Variants in NLGN1 observed in about 807,000 individuals in gnomAD.
The protein encoded by NLGN1 is neuroligin 1.
Under a neutral mutation model 65.5 loss-of-function variants are expected in NLGN1, and 12 were observed. The ratio of observed to expected loss-of-function variants is 0.18; its 90% CI spans 0.12 to 0.30. The LOEUF (loss-of-function observed/expected upper bound fraction) is 0.30. Among genes scored for constraint, NLGN1 ranks in the 10% least tolerant of loss-of-function variants. NLGN1 has a pLI of 1.00. For missense variants in NLGN1, 750 were observed against 1,007.1 expected, an observed-to-expected ratio of 0.74 and a Z score of 3.46; for synonymous variants, 350 against 359.5, an observed-to-expected ratio of 0.97 and a Z score of 0.30.
intron 4 of NLGN1, among the ~76,000 whole-genome samples, chr3:174,066,556 C>CTGTG (rs1176839455): frequency 2.6e-4 from 35 of 133,920 alleles, no homozygotes; most frequent in African/African-American, 9.8e-4. Context: ...CTCTCTCTCT[C>CTGTG]TCTCTCTCTG....
chr3:174,184,656 A>T (rs1731067974), intron 4 of NLGN1, among the ~76,000 whole-genome samples: 1 of 152,190 alleles, frequency 6.6e-6, no homozygotes, highest in Non-Finnish European at 1.5e-5. Flanking sequence ...TCTGAGAGAA[A>T]TAGAAGAAAC....
chr3:173,833,790 C>G (rs1468236948), intron 4 of NLGN1, among the ~76,000 whole-genome samples: 1 of 152,134 alleles, frequency 6.6e-6, no homozygotes, highest in Non-Finnish European at 1.5e-5. Context: ...CATGAGCCAC[C>G]GCACCTGGCC....
intron 2 of NLGN1, among the ~76,000 whole-genome samples, chr3:173,536,999 A>G (rs1021225075): frequency 6.6e-6 from 1 of 152,154 alleles, no homozygotes; most frequent in African/African-American, 2.4e-5. Flanking sequence ...AGGCAGGCAA[A>G]AAGAGTGACT....
chr3:174,270,031 G>T (rs990485615), intron 4 of NLGN1, among the ~76,000 whole-genome samples: 1 of 147,660 alleles, frequency 6.8e-6, no homozygotes, highest in Non-Finnish European at 1.5e-5. Context: ...TGGGTTTTTT[G>T]TTGTTGTTGT....
intron 4 of NLGN1, among the ~76,000 whole-genome samples, chr3:173,833,136 A>G (rs1027407293): frequency 6.6e-6 from 1 of 152,238 alleles, no homozygotes. Context: ...GGATTACAGT[A>G]TATGTGCATT....
At chr3:173,416,068 G>A (rs921796090) in intron 1 of NLGN1, among the ~76,000 whole-genome samples, 4 of 152,052 alleles carry the variant, frequency 2.6e-5, no homozygotes, top group South Asian at 2.1e-4. Context: ...ATTCATGAGC[G>A]TCACAGATAA....
At chr3:173,476,763 A>G (rs1175742144) in intron 2 of NLGN1, among the ~76,000 whole-genome samples, 1 of 152,146 alleles carries the variant, frequency 6.6e-6, no homozygotes, top group Non-Finnish European at 1.5e-5. Context: ...CTAGAGATAG[A>G]GAGAACATTT....
At chr3:173,746,942 C>A (rs573188748) in intron 3 of NLGN1, among the ~76,000 whole-genome samples, 150 of 151,584 alleles carry the variant, frequency 9.9e-4, no homozygotes, top group Non-Finnish European at 1.7e-3. Context: ...ATCTGTAGTC[C>A]CAGCTACTAG....
At chr3:174,004,761 A>G (rs971539979) in intron 4 of NLGN1, among the ~76,000 whole-genome samples, 1 of 152,172 alleles carries the variant, frequency 6.6e-6, no homozygotes, top group African/African-American at 2.4e-5. Flanking sequence ...ATTAGCATCT[A>G]TTGTTTAAAC....
At chr3:173,851,936 G>GT (rs979996884) in intron 4 of NLGN1, among the ~76,000 whole-genome samples, 35 of 147,294 alleles carry the variant, frequency 2.4e-4, no homozygotes, top group Admixed American at 3.4e-4. Context: ...GATGTCACTT[G>GT]TTTTTTTTTT....
intron 2 of NLGN1, among the ~76,000 whole-genome samples, chr3:173,551,500 A>G (rs1330868790): frequency 6.6e-6 from 1 of 152,166 alleles, no homozygotes. Flanking sequence ...AATTCTTGTT[A>G]ATGATCTCTG....
chr3:173,703,503 C>T (rs769878733), intron 3 of NLGN1, among the ~76,000 whole-genome samples: 5 of 152,012 alleles, frequency 3.3e-5, no homozygotes, highest in South Asian at 2.1e-4. Flanking sequence ...GTTTTACTAA[C>T]GTTTGTGTTT....
rs1197131365 is a variant in NLGN1, at chr3:173,517,800, A to ATCTATCTG, written c.-321+82724_-321+82725insTATCTGTC. Reference sequence around the variant, plus strand: ...TATCTATCTATCTATCTATCTATCTATCATATCTATCTGTCATCTATCTCC... The same window carrying ATCTATCTG: ...TATCTATCTATCTATCTATCTATCTATCTATCTGTCATATCTATCTGTCATCTATCTCC... On this transcript the variant is annotated intron_variant, in intron 2 of 6. Coordinates refer to ENST00000457714, the Ensembl canonical transcript of NLGN1. Among the ~76,000 whole-genome samples, 3 of 150,452 alleles carry ATCTATCTG rather than the reference A, an allele frequency of 2.0e-5. No homozygotes were observed. The East Asian group carries it at 5.8e-4, about 29-fold the overall frequency.
intron 4 of NLGN1, among the ~76,000 whole-genome samples, chr3:173,898,162 T>G (rs1294753637): frequency 6.6e-6 from 1 of 152,212 alleles, no homozygotes; most frequent in Middle Eastern, 3.2e-3. Flanking sequence ...GTTAAGACCT[T>G]GAATTGTAAG....
At position 173,503,297 on chromosome 3, in the gene NLGN1, C is replaced by G. The variant is rs910364892; in HGVS notation, c.-321+68219C>G. On this transcript the variant is annotated intron_variant, in intron 2 of 6. Coordinates refer to ENST00000457714, the Ensembl canonical transcript of NLGN1. Reference sequence around the variant, plus strand: ...CTTCTAGCAAATATATGCTGAGTACCTACTGTGTGCAAAGCAGTGTGGGAA... The same window carrying G: ...CTTCTAGCAAATATATGCTGAGTACGTACTGTGTGCAAAGCAGTGTGGGAA... Among the ~76,000 whole-genome samples, 4 of 152,014 alleles carry G rather than the reference C, an allele frequency of 2.6e-5. 1 individual carries two copies. In the Admixed American group the frequency reaches 2.6e-4, roughly 10 times the overall value.
intron 3 of NLGN1, among the ~76,000 whole-genome samples, chr3:173,697,012 G>A (rs1766318990): frequency 1.3e-5 from 2 of 152,116 alleles, no homozygotes; most frequent in Admixed American, 6.5e-5. Flanking sequence ...GCAAGCCAGA[G>A]AGTAATAATA....
intron 2 of NLGN1, among the ~76,000 whole-genome samples, chr3:173,530,992 GTTCT>G (rs1429913635): frequency 6.6e-6 from 1 of 151,898 alleles, no homozygotes; most frequent in African/African-American, 2.4e-5. Context: ...TTTTAAAATC[GTTCT>G]TTCTTCTAAA....
chr3:173,966,577 A>AT (rs1714916007), intron 4 of NLGN1, among the ~76,000 whole-genome samples: 1 of 152,216 alleles, frequency 6.6e-6, no homozygotes, highest in Non-Finnish European at 1.5e-5. Flanking sequence ...TAGTCACTGA[A>AT]AGCACATACA....
chr3:174,254,286 C>T (rs1421426), intron 4 of NLGN1, among the ~76,000 whole-genome samples: 31,241 of 124,538 alleles, frequency 0.25, 3,583 homozygotes, highest in East Asian at 0.53. Flanking sequence ...ATTGTGATTT[C>T]TTAGGAAAAG....
Sources: allele counts gnomAD v4.1 joint callset (sites outside exome capture counted in the v4.1 genomes callset), GRCh38; gene constraint gnomAD v4.1.1; transcripts MANE v1.5; gene names NCBI Gene and HGNC (gene_info 2026-07-23, HGNC 2026-07-21).